The following ABCG1 variants were observed in gnomAD, a reference collection of about 807,000 sequenced individuals.
The protein encoded by ABCG1 is ATP-binding cassette sub-family G member 1.
In ABCG1, 29 loss-of-function variants were observed where a neutral mutation model predicts 69.2. The ratio of observed to expected loss-of-function variants is 0.42; its 90% CI spans 0.31 to 0.57. ABCG1 has a LOEUF of 0.57. Among genes scored for constraint, ABCG1 ranks in the 20% least tolerant of loss-of-function variants. ABCG1 has a pLI of 0.15. For synonymous variants in ABCG1, 370 were observed against 374.8 expected, an observed-to-expected ratio of 0.99 and a Z score of 0.15; for missense variants, 718 against 898.1, an observed-to-expected ratio of 0.80 and a Z score of 2.56.
chr21:42,219,404 G>A lies in ABCG1; in HGVS notation c.42+100G>A. 2 of 1,482,850 alleles carry A rather than the reference G, an allele frequency of 1.3e-6. No homozygotes were observed. The highest frequency in any genetic ancestry group is 1.8e-6 in the Non-Finnish European group (2 of 1,111,226). The allele number at this position is 1,482,850 out of a possible 1,614,324, so 91.9% of individuals were successfully genotyped here. A position where few individuals can be genotyped will look rare whatever the true frequency, so the allele number is the denominator to read the frequency against. ...AAGCTCGACCTGACACCCCTCCCAG[G>A]AGCGCGTCCTCTGGGCGCTGACCCA... On this transcript the variant is annotated intron_variant, in intron 1 of 14. Coordinates refer to ENST00000398449, the MANE Select transcript of ABCG1 (RefSeq NM_016818.3). The surrounding 1 kb of genome is among the most constrained non-coding windows in gnomAD (Gnocchi z 5.3).
At chr21:42,256,991 C>T (rs1192056704) in intron 2 of ABCG1, among the ~76,000 whole-genome samples, 1 of 152,278 alleles carries the variant, frequency 6.6e-6, no homozygotes, top group African/African-American at 2.4e-5. Flanking sequence ...ACTCCAGCAG[C>T]AGCCAGTGTT....
chr21:42,233,024 A>G (rs1399984897), intron 2 of ABCG1, among the ~76,000 whole-genome samples: 1 of 152,264 alleles, frequency 6.6e-6, no homozygotes, highest in South Asian at 2.1e-4. Context: ...CAACACCTGC[A>G]TAGGAAACTT....
intron 2 of ABCG1, among the ~76,000 whole-genome samples, chr21:42,226,800 A>G (rs1161911373): frequency 2.0e-5 from 3 of 152,200 alleles, no homozygotes; most frequent in Non-Finnish European, 4.4e-5. Flanking sequence ...TTTCTACTGA[A>G]TCATGGAAAG....
intron 8 of ABCG1, chr21:42,286,220 A>G: frequency 4.0e-6 from 2 of 501,850 alleles, no homozygotes; most frequent in Middle Eastern, 4.9e-4. Context: ...TCCTGTCTCC[A>G]TGTCCTAATC....
At position 42,273,542 on chromosome 21, in the gene ABCG1, C is replaced by A; in HGVS notation, c.537+107C>A. The stretch of plus-strand genomic sequence containing the variant: ...CCCAGCTGCGAGGGACCCAAGGGCT[C>A]TGCCACGCGGCCTGCACAGGGCCAG... On this transcript the variant is annotated intron_variant, in intron 4 of 14. Coordinates refer to ENST00000398449, the MANE Select transcript of ABCG1 (RefSeq NM_016818.3). This position sits in a 1 kb window ranked among gnomAD's most constrained non-coding sequence, Gnocchi z 5.3. The A allele has an allele frequency of 7.3e-7, 1 of 1,364,002 alleles. No individual in the cohort carries two copies. Among genetic ancestry groups the A allele is most frequent in the South Asian group, 1.4e-5 (1 of 71,230 alleles). 84.5% of individuals were successfully genotyped at this position (1,364,002 alleles called of 1,614,324 possible). A position where few individuals can be genotyped will look rare whatever the true frequency, so the allele number is the denominator to read the frequency against.
chr21:42,199,887 T>G (rs965498400), intron 1 of ABCG1: 5 of 152,266 alleles, frequency 3.3e-5, no homozygotes, highest in Admixed American at 1.3e-4. Flanking sequence ...TAAGAAAATA[T>G]CTTTAAATAT....
At chr21:42,293,833 A>G in intron 13 of ABCG1, among the ~76,000 whole-genome samples, 1 of 148,116 alleles carries the variant, frequency 6.8e-6, no homozygotes, top group Non-Finnish European at 1.5e-5. Context: ...CTCACTGCGC[A>G]CACAGACTAC....
intron 2 of ABCG1, among the ~76,000 whole-genome samples, chr21:42,228,148 A>G (rs537764724): frequency 2.0e-5 from 3 of 152,290 alleles, no homozygotes; most frequent in Non-Finnish European, 4.4e-5. Flanking sequence ...AGGAGCCCCA[A>G]CTGTCCATTC....
chr21:42,217,679 C>CTTTTTTTT (rs71190409), upstream of ABCG1, among the ~76,000 whole-genome samples: 29 of 61,640 alleles, frequency 4.7e-4, 3 homozygotes, highest in African/African-American at 2.0e-3. Flanking sequence ...TGGATCTACT[C>CTTTTTTTT]TTTTTTTTTT....
rs372339024 is a variant in ABCG1 at position 42,201,059 on chromosome 21, C to CTT, written c.-99-509_-99-508dup. On this transcript the variant is annotated intron_variant, in intron 1 of 15. Transcript: ENST00000398457. ...TAGGTGTTAAGCCCAGCATATTGTG[C>CTT]TTTTTTTTTTCACCTCACTTGCCAC... 8.0e-3 allele frequency among the ~76,000 whole-genome samples: 1,201 copies of CTT among 149,326 alleles called. 22 individuals carry two copies. Among genetic ancestry groups the CTT allele is most frequent in the African/African-American group, 0.028 (1,138 of 40,756 alleles).
intron 1 of ABCG1, among the ~76,000 whole-genome samples, chr21:42,222,554 G>A (rs954985204): frequency 1.3e-5 from 2 of 152,186 alleles, no homozygotes; most frequent in African/African-American, 4.8e-5. Context: ...CTCAGACCTG[G>A]AAGCCTCTCA....
chr21:42,264,503 ATTCATCCATTCATCCATCTG>A (rs1277188880), intron 2 of ABCG1, among the ~76,000 whole-genome samples: 3 of 151,920 alleles, frequency 2.0e-5, no homozygotes, highest in Non-Finnish European at 4.4e-5. Context: ...CCATTCATCC[ATTCATCCATTCATCCATCTG>A]TTCATCCATT....
intron 2 of ABCG1, among the ~76,000 whole-genome samples, chr21:42,243,350 TG>T (rs980114180): frequency 1.7e-4 from 26 of 152,258 alleles, no homozygotes; most frequent in Admixed American, 1.1e-3. Flanking sequence ...CAGAAGTGCC[TG>T]GATTCAGCAA....
At chr21:42,295,606 A>G (rs2069193396) in intron 14 of ABCG1, among the ~76,000 whole-genome samples, 1 of 152,240 alleles carries the variant, frequency 6.6e-6, no homozygotes, top group Admixed American at 6.5e-5. Flanking sequence ...CTTCTTCTCT[A>G]GAATGTCAGT....
intron 1 of ABCG1, among the ~76,000 whole-genome samples, chr21:42,200,804 G>C (rs995044109): frequency 5.9e-5 from 9 of 152,034 alleles, no homozygotes; most frequent in Admixed American, 2.0e-4. Context: ...GGCCAGGCTG[G>C]TCTCGAACTC....
At chr21:42,293,104 T>TAC (rs1362929936) in intron 13 of ABCG1, among the ~76,000 whole-genome samples, 3 of 45,792 alleles carry the variant, frequency 6.6e-5, no homozygotes, top group South Asian at 1.4e-3. Flanking sequence ...CCACACACGG[T>TAC]ACACACCACA....
intron 2 of ABCG1, among the ~76,000 whole-genome samples, chr21:42,240,703 C>A (rs1476496745): frequency 1.3e-5 from 2 of 152,260 alleles, no homozygotes; most frequent in African/African-American, 2.4e-5. Flanking sequence ...CCGCCTTGGC[C>A]TCCCAAAATG....
chr21:42,234,095 G>A (rs761876453), intron 2 of ABCG1, among the ~76,000 whole-genome samples: 1 of 151,502 alleles, frequency 6.6e-6, no homozygotes, highest in Non-Finnish European at 1.5e-5. Flanking sequence ...TGCTTTATTT[G>A]GCGCTTTGCC....
intron 2 of ABCG1, among the ~76,000 whole-genome samples, chr21:42,231,054 A>T (rs2123548851): frequency 6.6e-6 from 1 of 152,342 alleles, no homozygotes; most frequent in Non-Finnish European, 1.5e-5. Flanking sequence ...CCTTGGCTGT[A>T]AACTGATGTA....
Sources: gnomAD v4.1 joint callset for allele counts (sites outside exome capture counted in the v4.1 genomes callset) on GRCh38, gnomAD v4.1.1 for gene constraint, Gnocchi (gnomAD v3.1) non-coding constraint, MANE v1.5 for transcripts, NCBI Gene and HGNC (gene_info 2026-07-23, HGNC 2026-07-21) for gene names.